Variants in PWWP2A observed in about 807,000 individuals in gnomAD.
PWWP2A encodes PWWP domain-containing protein 2A.
A neutral mutation model predicts 48.5 loss-of-function variants in PWWP2A; 18 were observed. That is an observed-to-expected ratio of 0.37 (90% CI 0.26 to 0.55). The LOEUF is 0.55. Among genes scored for constraint, PWWP2A ranks in the 20% least tolerant of loss-of-function variants. The pLI is 0.81. For synonymous variants in PWWP2A, 396 were observed against 387.7 expected, an observed-to-expected ratio of 1.02 and a Z score of -0.25; for missense variants, 867 against 976.4, an observed-to-expected ratio of 0.89 and a Z score of 1.49.
chr5:160,110,646 C>T (rs939448138), intron 1 of PWWP2A, among the ~76,000 whole-genome samples: 14 of 151,836 alleles, frequency 9.2e-5, no homozygotes, highest in Admixed American at 7.9e-4. Flanking sequence ...GCAGAGGTTG[C>T]GGTGAGCCGA....
intron 1 of PWWP2A, among the ~76,000 whole-genome samples, chr5:160,117,296 TTAAA>T (rs945950895): frequency 5.9e-5 from 9 of 151,786 alleles, no homozygotes; most frequent in African/African-American, 2.2e-4. Context: ...CCTGTCTCTA[TTAAA>T]TAAGTAAACA....
intron 1 of PWWP2A, among the ~76,000 whole-genome samples, chr5:160,110,758 G>A (rs951616076): frequency 3.3e-5 from 5 of 152,034 alleles, no homozygotes; most frequent in Non-Finnish European, 5.9e-5. Context: ...AAGGCTGGGT[G>A]CAGTGGCTCA....
chr5:160,099,706 C>G (rs1756059573), intron 1 of PWWP2A, among the ~76,000 whole-genome samples: 1 of 144,498 alleles, frequency 6.9e-6, no homozygotes. Flanking sequence ...GAAACAGAGT[C>G]TCACTCTGCT....
downstream of PWWP2A, among the ~76,000 whole-genome samples, chr5:160,059,879 T>C (rs1414221199): frequency 6.6e-6 from 1 of 152,260 alleles, no homozygotes; most frequent in East Asian, 1.9e-4. Flanking sequence ...GAGCACGTGC[T>C]ATTGGAAAAA....
intron 2 of PWWP2A, among the ~76,000 whole-genome samples, chr5:160,070,332 G>T (rs1287602891): frequency 1.3e-5 from 2 of 152,018 alleles, no homozygotes; most frequent in African/African-American, 2.4e-5. Flanking sequence ...ACCAAGCAAG[G>T]CATGGTGGCA....
chr5:160,045,512 A>T, the PWWP2A span, among the ~76,000 whole-genome samples: 20 of 42,828 alleles, frequency 4.7e-4, no homozygotes, highest in Admixed American at 9.9e-4. Context: ...ACACACACAC[A>T]CATACACACT....
At chr5:160,096,377 TTTAAGCATTTAACC>T (rs2113556276) in intron 1 of PWWP2A, among the ~76,000 whole-genome samples, 1 of 152,342 alleles carries the variant, frequency 6.6e-6, no homozygotes, top group East Asian at 1.9e-4. Context: ...TCAAAGTAAC[TTTAAGCATTTAACC>T]CTTTCTTACA....
the PWWP2A span, among the ~76,000 whole-genome samples, chr5:160,054,777 G>A: frequency 4.9e-3 from 752 of 152,092 alleles, 6 homozygotes; most frequent in African/African-American, 0.017. Flanking sequence ...TGGCAGACAC[G>A]GCCTTTATGA....
At chr5:160,114,466 AG>A (rs201662532) in intron 1 of PWWP2A, among the ~76,000 whole-genome samples, 156 of 148,558 alleles carry the variant, frequency 1.1e-3, no homozygotes, top group East Asian at 9.8e-4. Context: ...CTCAAAAAAA[AG>A]AAAAAGAGTT....
At chr5:160,065,118 T>C in intron 4 of PWWP2A, 1 of 1,589,190 alleles carries the variant, frequency 6.3e-7, no homozygotes, top group Non-Finnish European at 8.5e-7. Context: ...CTGCTTGCTG[T>C]TAGCTAGGGG....
At chr5:160,064,838 A>C in intron 4 of PWWP2A, 2 of 1,326,756 alleles carry the variant, frequency 1.5e-6, no homozygotes, top group South Asian at 2.8e-5. Context: ...AGATACTTTT[A>C]TATTTTGTAC....
chr5:160,070,241 A>G (rs1156879723), intron 2 of PWWP2A, among the ~76,000 whole-genome samples: 1 of 152,124 alleles, frequency 6.6e-6, no homozygotes, highest in Non-Finnish European at 1.5e-5. Flanking sequence ...CAGAGGCAGG[A>G]GGATCACTTG....
rs10045485 is a variant in PWWP2A, at chr5:160,078,089, A to G, written c.*66T>C. On this transcript the variant is annotated 3_prime_UTR_variant, in exon 4 of 4. Transcript: ENST00000456329. This position sits in a 1 kb window ranked among gnomAD's most constrained non-coding sequence, Gnocchi z 4.2. ...GTGCAGCTTTAAAAACTCCAATTTC[A>G]TTCAGTCCTGATGCTCTGGTGTTCT... The G allele has an allele frequency of 7.5e-4, 1,040 of 1,393,960 alleles. 5 individuals are homozygous for G. The African/African-American group carries it at 0.013, about 18-fold the overall frequency. The allele number at this position is 1,393,960 out of a possible 1,614,324, so 86.3% of individuals were successfully genotyped here.
downstream of PWWP2A, among the ~76,000 whole-genome samples, chr5:160,057,919 C>T (rs547759096): frequency 6.6e-6 from 1 of 152,272 alleles, no homozygotes; most frequent in East Asian, 1.9e-4. The surrounding 1 kb of genome is among the most constrained non-coding windows in gnomAD (Gnocchi z 4.4). Context: ...AGGTGTATGC[C>T]ACCACACCCA....
the PWWP2A span, among the ~76,000 whole-genome samples, chr5:160,047,752 G>A: frequency 6.6e-6 from 1 of 152,046 alleles, no homozygotes; most frequent in Admixed American, 6.6e-5. Context: ...ATTCTTGTTG[G>A]TCCCTCTTCC....
chr5:160,055,899 A>G, the PWWP2A span, among the ~76,000 whole-genome samples: 5 of 152,252 alleles, frequency 3.3e-5, no homozygotes, highest in East Asian at 1.9e-4. Flanking sequence ...TGGTCTTCCA[A>G]TTCACTAGAG....
chr5:160,090,422 G>C (rs1487239151), downstream of PWWP2A: 1 of 982,850 alleles, frequency 1.0e-6, no homozygotes, highest in Non-Finnish European at 1.2e-6. Flanking sequence ...ACAAATACTT[G>C]GAAAATCTTT....
At chr5:160,089,759 G>A (rs1008417952), downstream of PWWP2A, 76 of 1,203,966 alleles carry the variant, frequency 6.3e-5, no homozygotes, top group South Asian at 4.3e-4. Flanking sequence ...TACTTAAGCC[G>A]CAGATTTGGT....
the PWWP2A span, chr5:160,051,328 A>C: frequency 1.5e-5 from 9 of 599,830 alleles, no homozygotes; most frequent in Admixed American, 5.6e-5. Flanking sequence ...TTGACCCCAG[A>C]AGGGGCAGCG....
Sources: gnomAD v4.1 joint callset for allele counts (sites outside exome capture counted in the v4.1 genomes callset) on GRCh38, gnomAD v4.1.1 for gene constraint, Gnocchi (gnomAD v3.1) non-coding constraint, MANE v1.5 for transcripts, NCBI Gene and HGNC (gene_info 2026-07-23, HGNC 2026-07-21) for gene names.